CDA: variants seen among roughly 807,000 people sequenced by gnomAD.
CDA encodes cytidine deaminase, also known as cytidine aminohydrolase.
A neutral mutation model predicts 15.0 loss-of-function variants in CDA; 7 were observed. The ratio of observed to expected loss-of-function variants is 0.47; its 90% CI spans 0.26 to 0.87. The LOEUF (loss-of-function observed/expected upper bound fraction) is 0.87. CDA is among the 40% of genes least tolerant of loss of function. The pLI is 0.15. For missense variants in CDA, 159 were observed against 182.7 expected (o/e 0.87, Z 0.75); for synonymous variants, 58 against 73.0 (o/e 0.79, Z 1.05).
At chr1:20,602,261 G>A (rs1379080748) in intron 1 of CDA, among the ~76,000 whole-genome samples, 2 of 152,106 alleles carry the variant, frequency 1.3e-5, no homozygotes, top group African/African-American at 4.8e-5. Context: ...TAACAGACCA[G>A]GGGCGGGCTG....
chr1:20,616,365 C>T (rs1240216983), intron 3 of CDA, among the ~76,000 whole-genome samples: 4 of 151,966 alleles, frequency 2.6e-5, no homozygotes, highest in African/African-American at 9.7e-5. Context: ...GTTTTTGTGC[C>T]GTGGGGTTTC....
chr1:20,608,093 G>A (rs1337494301), intron 2 of CDA, among the ~76,000 whole-genome samples: 1 of 152,200 alleles, frequency 6.6e-6, no homozygotes, highest in East Asian at 1.9e-4. Context: ...ACAGAGTGAA[G>A]GGCAGGGTAG....
At chr1:20,595,841 T>TGA in intron 1 of CDA, among the ~76,000 whole-genome samples, 1 of 59,766 alleles carries the variant, frequency 1.7e-5, no homozygotes, top group East Asian at 4.4e-4. Context: ...CAAGACTCTC[T>TGA]CAAAAAAAAA....
chr1:20,596,927 A>G (rs2052596382), intron 1 of CDA, among the ~76,000 whole-genome samples: 1 of 151,746 alleles, frequency 6.6e-6, no homozygotes, highest in Admixed American at 6.6e-5. Flanking sequence ...TGCCTAGCTA[A>G]TTTTTAAAAT....
intron 1 of CDA, among the ~76,000 whole-genome samples, chr1:20,604,226 C>A (rs1279538839): frequency 1.3e-5 from 2 of 152,138 alleles, no homozygotes; most frequent in African/African-American, 4.8e-5. Flanking sequence ...TAACAGAATA[C>A]CATAGACTGG....
chr1:20,596,687 G>A (rs1223412503), intron 1 of CDA, among the ~76,000 whole-genome samples: 1 of 151,724 alleles, frequency 6.6e-6, no homozygotes, highest in Non-Finnish European at 1.5e-5. Flanking sequence ...AGTGCTTTCT[G>A]GCATTATTCT....
At chr1:20,600,746 T>G (rs1450639684) in intron 1 of CDA, among the ~76,000 whole-genome samples, 2 of 110,696 alleles carry the variant, frequency 1.8e-5, no homozygotes, top group Non-Finnish European at 3.8e-5. Flanking sequence ...AGAGTGAGAC[T>G]CTGTCTCAAA....
intron 2 of CDA, among the ~76,000 whole-genome samples, chr1:20,612,664 C>T (rs1417665252): frequency 1.3e-4 from 20 of 152,134 alleles, no homozygotes; most frequent in Admixed American, 1.3e-3. Flanking sequence ...ATTACTCACA[C>T]AAAGCCTGTT....
chr1:20,613,069 T>C (rs1456927970), intron 2 of CDA, among the ~76,000 whole-genome samples: 1 of 151,706 alleles, frequency 6.6e-6, no homozygotes, highest in Non-Finnish European at 1.5e-5. Flanking sequence ...TGGCATACAG[T>C]AGACATTCAC....
At chr1:20,610,062 G>A (rs376824672) in intron 2 of CDA, among the ~76,000 whole-genome samples, 2 of 149,724 alleles carry the variant, frequency 1.3e-5, no homozygotes, top group African/African-American at 4.9e-5. Flanking sequence ...GGTTGGTTGG[G>A]TGGTTGATCA....
chr1:20,589,234 C>G lies in CDA; in HGVS notation c.105C>G (p.His35Gln). Residue 35 changes from histidine (H) to glutamine (Q), a missense_variant, in exon 1 of 4, where the codon CAC becomes CAG. His to Gln is a conservative substitution (Grantham distance 24, BLOSUM62 0). Transcript: ENST00000375071. Reference protein sequence around the residue: ...AKKSAYCPYSHFPVGAALLTQ... With the variant: ...AKKSAYCPYSQFPVGAALLTQ... ...AGTCAGCCTACTGCCCCTACAGTCA[C>G]TTTCCTGTGGGGGCTGCCCTGCTCA... The G allele has an allele frequency of 6.2e-7, 1 of 1,613,854 alleles. No homozygotes were observed. The highest frequency in any genetic ancestry group is 1.1e-5 in the South Asian group (1 of 91,074).
At chr1:20,612,290 G>A (rs111724050) in intron 2 of CDA, among the ~76,000 whole-genome samples, 49 of 152,096 alleles carry the variant, frequency 3.2e-4, no homozygotes, top group Non-Finnish European at 1.2e-4. Flanking sequence ...ACATCTTGAT[G>A]TCAGGCCTCT....
rs2052525258 is a variant in CDA at position 20,589,141 on chromosome 1, G to A, written c.12G>A (p.Lys4=). 1 of 1,614,022 alleles carries A rather than the reference G, an allele frequency of 6.2e-7. No homozygotes were observed. The highest frequency in any genetic ancestry group is 1.3e-5 in the African/African-American group (1 of 74,942). Residue 4 remains lysine (K), a synonymous_variant, in exon 1 of 4, where the codon AAG becomes AAA. Coordinates refer to ENST00000375071, the MANE Select transcript of CDA (RefSeq NM_001785.3). MAQ[K]RPACTLKPEC... is the part of the protein sequence containing the mutation. ...CCCGGGGTACCAACATGGCCCAGAA[G>A]CGTCCTGCCTGCACCCTGAAGCCTG...
intron 1 of CDA, among the ~76,000 whole-genome samples, chr1:20,595,506 T>C (rs2052584838): frequency 6.6e-6 from 1 of 152,054 alleles, no homozygotes; most frequent in African/African-American, 2.4e-5. Flanking sequence ...CTGGTCTAGG[T>C]AAGAGCAAGC....
chr1:20,611,444 CAT>C (rs1400798810), intron 2 of CDA, among the ~76,000 whole-genome samples: 22 of 151,666 alleles, frequency 1.5e-4, no homozygotes, highest in Non-Finnish European at 2.1e-4. Context: ...GCAGTGGCAC[CAT>C]CTCGGCTTAC....
At chr1:20,610,261 C>CTTTTTTTTTTTTTTTTTTTTTTTTTTTT (rs760754305) in intron 2 of CDA, among the ~76,000 whole-genome samples, 6 of 62,968 alleles carry the variant, frequency 9.5e-5, no homozygotes, top group South Asian at 4.1e-4. Context: ...CACACATTAT[C>CTTTTTTTTTTTTTTTTTTTTTTTTTTTT]TTTTTTTTTT....
chr1:20,618,214 C>T (rs2052835483), intron 3 of CDA, among the ~76,000 whole-genome samples: 5 of 92,450 alleles, frequency 5.4e-5, no homozygotes, highest in Admixed American at 3.2e-4. Flanking sequence ...CTGGGTGAGT[C>T]TTGAATGGTG....
intron 3 of CDA, among the ~76,000 whole-genome samples, chr1:20,616,388 G>A (rs910500669): frequency 6.6e-6 from 1 of 152,134 alleles, no homozygotes; most frequent in Non-Finnish European, 1.5e-5. Context: ...AGCATCTGGG[G>A]ATGCAGACAC....
At chr1:20,605,164 C>A (rs1425766221) in intron 2 of CDA, 125 bp downstream of exon 2, 7 of 725,878 alleles carry the variant, frequency 9.6e-6, no homozygotes, top group Admixed American at 2.0e-5. Context: ...ATGTGCCAGG[C>A]ACTGTACAGG....
Sources: allele counts gnomAD v4.1 joint callset (sites outside exome capture counted in the v4.1 genomes callset), GRCh38; gene constraint gnomAD v4.1.1; transcripts MANE v1.5; gene names NCBI Gene and HGNC (gene_info 2026-07-23, HGNC 2026-07-21).